Variants in RSRC1 observed in about 807,000 individuals in gnomAD.
RSRC1 encodes serine/Arginine-related protein 53.
RSRC1 carries 39 observed loss-of-function variants against 49.1 expected under a neutral mutation model. The observed-to-expected ratio is 0.79, with a 90% CI of 0.61 to 1.04. RSRC1 has a LOEUF of 1.04. Among genes scored for constraint, RSRC1 ranks in the 50% least tolerant of loss-of-function variants. RSRC1 has a pLI of 0.00. For synonymous variants in RSRC1, 143 were observed against 130.8 expected, an observed-to-expected ratio of 1.09 and a Z score of -0.63; for missense variants, 388 against 402.4, an observed-to-expected ratio of 0.96 and a Z score of 0.31.
chr3:158,537,623 C>T (rs1272652845), intron 8 of RSRC1, among the ~76,000 whole-genome samples: 1 of 151,496 alleles, frequency 6.6e-6, no homozygotes, highest in East Asian at 1.9e-4. Flanking sequence ...TCATTCTTTG[C>T]CCAGATGATT....
At chr3:158,542,329 G>A (rs1254622853) in intron 8 of RSRC1, among the ~76,000 whole-genome samples, 3 of 152,114 alleles carry the variant, frequency 2.0e-5, no homozygotes, top group African/African-American at 7.2e-5. Context: ...ACAGGAGTTC[G>A]AGATCACCCT....
At chr3:158,501,915 T>C (rs1370730978) in intron 7 of RSRC1, among the ~76,000 whole-genome samples, 1 of 152,154 alleles carries the variant, frequency 6.6e-6, no homozygotes, top group Admixed American at 6.6e-5. Flanking sequence ...GTGTATTTTG[T>C]TTTTTGTTTT....
In RSRC1 at chr3:158,127,818, T is replaced by C. The variant is rs1715732677; in HGVS notation, c.320+3827T>C. Among the ~76,000 whole-genome samples, 3 of 145,242 alleles carry C rather than the reference T, an allele frequency of 2.1e-5. No individual in the cohort carries two copies. The South Asian group carries it at 7.2e-4, about 35-fold the overall frequency. On this transcript the variant is annotated intron_variant, in intron 3 of 9. Transcript: ENST00000611884. ...AATTTTAAAAAACAGCTGCCTTTCC[T>C]AGTCTTTATGGACTGGCTTCTTATG...
intron 3 of RSRC1, among the ~76,000 whole-genome samples, chr3:158,192,902 G>A (rs894246206): frequency 4.6e-5 from 7 of 152,152 alleles, no homozygotes; most frequent in South Asian, 2.1e-4. Context: ...TTGAGCGATT[G>A]TTATGCCAGC....
intron 5 of RSRC1, among the ~76,000 whole-genome samples, chr3:158,311,522 G>A (rs903783114): frequency 2.6e-5 from 4 of 151,584 alleles, no homozygotes; most frequent in African/African-American, 9.7e-5. Flanking sequence ...GAAAATTGCT[G>A]GAAACCTTGG....
At chr3:158,311,727 A>G (rs1728140508) in intron 5 of RSRC1, among the ~76,000 whole-genome samples, 1 of 152,016 alleles carries the variant, frequency 6.6e-6, no homozygotes, top group Non-Finnish European at 1.5e-5. Flanking sequence ...CTTACCACAA[A>G]AAAGGTAAAT....
intron 6 of RSRC1, 145 bp from the exon 7 acceptor site, chr3:158,460,790 G>A (rs1446069811): frequency 1.1e-5 from 5 of 444,620 alleles, no homozygotes; most frequent in South Asian, 5.4e-5. Flanking sequence ...TATAAAATAT[G>A]TATTTCAGAT....
At chr3:158,478,526 T>G (rs1175380832) in intron 7 of RSRC1, among the ~76,000 whole-genome samples, 1 of 147,586 alleles carries the variant, frequency 6.8e-6, no homozygotes, top group Non-Finnish European at 1.5e-5. Context: ...TCCCCCCAAA[T>G]TAAGTTATAG....
chr3:158,399,128 T>TAAAGAAAGGAGAACTGAGGCATACAGG (rs1578428131), intron 6 of RSRC1, among the ~76,000 whole-genome samples: 5 of 51,480 alleles, frequency 9.7e-5, no homozygotes, highest in East Asian at 7.2e-4. Context: ...ATTTCCTTTT[T>TAAAGAAAGGAGAACTGAGGCATACAGG]TTTTTTTTTT....
chr3:158,306,857 C>T (rs1027715218), intron 5 of RSRC1, among the ~76,000 whole-genome samples: 5 of 151,828 alleles, frequency 3.3e-5, no homozygotes, highest in African/African-American at 1.2e-4. Context: ...AGTAAATATT[C>T]AGCTTTTTAT....
chr3:158,338,780 T>C (rs1730059306), intron 5 of RSRC1, among the ~76,000 whole-genome samples: 1 of 152,208 alleles, frequency 6.6e-6, no homozygotes, highest in South Asian at 2.1e-4. Context: ...AGTGTAGTAT[T>C]GTTAAGGCTT....
intron 3 of RSRC1, among the ~76,000 whole-genome samples, chr3:158,159,796 T>A (rs1325617477): frequency 6.6e-6 from 1 of 152,150 alleles, no homozygotes; most frequent in Non-Finnish European, 1.5e-5. Context: ...TTAAAAAAAA[T>A]TACTGATGAG....
At chr3:158,333,857 A>G in intron 5 of RSRC1, among the ~76,000 whole-genome samples, 1 of 152,218 alleles carries the variant, frequency 6.6e-6, no homozygotes, top group Non-Finnish European at 1.5e-5. Flanking sequence ...CAGTCATACA[A>G]AGGGAGACAA....
chr3:158,316,995 T>C (rs1728502575), intron 5 of RSRC1, among the ~76,000 whole-genome samples: 1 of 152,222 alleles, frequency 6.6e-6, no homozygotes, highest in South Asian at 2.1e-4. Context: ...GCCAGAATAT[T>C]GAACATGAGT....
At chr3:158,169,819 A>T (rs1033481365) in intron 3 of RSRC1, among the ~76,000 whole-genome samples, 4 of 152,154 alleles carry the variant, frequency 2.6e-5, no homozygotes, top group Non-Finnish European at 4.4e-5. Flanking sequence ...ATGTCTCTGT[A>T]CTACAGTGGC....
At chr3:158,380,919 C>T (rs1285947360) in intron 6 of RSRC1, among the ~76,000 whole-genome samples, 2 of 152,064 alleles carry the variant, frequency 1.3e-5, no homozygotes, top group Non-Finnish European at 1.5e-5. Context: ...TGTGTTTAAA[C>T]TGTATGGGTC....
At chr3:158,229,264 GTGTA>G (rs1434694403) in intron 4 of RSRC1, among the ~76,000 whole-genome samples, 2 of 115,564 alleles carry the variant, frequency 1.7e-5, no homozygotes, top group Admixed American at 9.0e-5. Flanking sequence ...ACATGTATAT[GTGTA>G]TGTATGTATA....
At chr3:158,435,600 A>G (rs1312754617) in intron 6 of RSRC1, among the ~76,000 whole-genome samples, 1 of 151,598 alleles carries the variant, frequency 6.6e-6, no homozygotes, top group Non-Finnish European at 1.5e-5. Context: ...TATGTGCTAT[A>G]AAGATAAAGA....
At chr3:158,285,451 A>G (rs201124646) in intron 4 of RSRC1, among the ~76,000 whole-genome samples, 4 of 152,190 alleles carry the variant, frequency 2.6e-5, no homozygotes, top group African/African-American at 9.7e-5. Context: ...GTAGCTTGAT[A>G]GGGATGGCAT....
Sources: allele counts gnomAD v4.1 joint callset (sites outside exome capture counted in the v4.1 genomes callset), GRCh38; gene constraint gnomAD v4.1.1; transcripts MANE v1.5; gene names NCBI Gene and HGNC (gene_info 2026-07-23, HGNC 2026-07-21).